Variants in ZNF829 observed in about 807,000 individuals in gnomAD.
The protein encoded by ZNF829 is zinc finger protein 829.
A neutral mutation model predicts 35.2 loss-of-function variants in ZNF829; 25 were observed. The observed-to-expected ratio is 0.71, with a 90% CI of 0.52 to 0.99. The LOEUF (loss-of-function observed/expected upper bound fraction) is 0.99. ZNF829 is among the 50% of genes least tolerant of loss of function. The probability of loss-of-function intolerance (pLI) is 0.00; values close to 1 mark genes in which losing one functional copy is unlikely to be tolerated. For synonymous variants in ZNF829, 136 were observed against 163.2 expected (o/e 0.83, Z 1.27); for missense variants, 417 against 515.3 (o/e 0.81, Z 1.85).
At chr19:36,908,052 G>A in intron 4 of ZNF829, 28 bp from the exon 5 acceptor site, 1 of 1,599,240 alleles carries the variant, frequency 6.3e-7, no homozygotes, top group Admixed American at 1.7e-5. Flanking sequence ...CATGGGACAT[G>A]GTTATGCTGT....
intron 5 of ZNF829, chr19:36,901,807 C>A: frequency 3.0e-6 from 2 of 659,168 alleles, no homozygotes; most frequent in Admixed American, 2.0e-5. Context: ...AGGTGGTGAC[C>A]TGAGAATACA....
chr19:36,911,126 C>T (rs2073260869), intron 3 of ZNF829, among the ~76,000 whole-genome samples: 1 of 152,094 alleles, frequency 6.6e-6, no homozygotes. Flanking sequence ...TTACGGGAAC[C>T]TCTAAATTTT....
In ZNF829 at chr19:36,914,959, A is replaced by G. The variant is rs115270126; in HGVS notation, c.96+6T>C. ...TTCAGAAGAAAAAGAGGAAACCCCA[A>G]CACACCTTGGATACTGCTTGTAGAA... On this transcript the variant is annotated splice_donor_region_variant and intron_variant, in intron 3 of 5. Coordinates refer to ENST00000391711, the MANE Select transcript of ZNF829 (RefSeq NM_001037232.4). The G allele has an allele frequency of 2.0e-4, 323 of 1,614,110 alleles. 1 individual carries two copies. The African/African-American group carries it at 4.1e-3, about 20-fold the overall frequency.
intron 5 of ZNF829, 70 bp from the exon 6 acceptor site, chr19:36,892,541 G>A: frequency 7.0e-7 from 1 of 1,428,620 alleles, no homozygotes; most frequent in South Asian, 1.4e-5. Context: ...AAAAGAAATG[G>A]GAGAATTAAA....
chr19:36,897,390 A>T (rs1258807817), intron 5 of ZNF829, among the ~76,000 whole-genome samples: 1 of 152,232 alleles, frequency 6.6e-6, no homozygotes, highest in Non-Finnish European at 1.5e-5. Context: ...AAGTGCAAGG[A>T]TGGCTCAACA....
chr19:36,900,847 GAAAAAAAAAA>G (rs59848712), intron 5 of ZNF829, among the ~76,000 whole-genome samples: 1 of 88,976 alleles, frequency 1.1e-5, no homozygotes, highest in African/African-American at 4.5e-5. Context: ...GACTGTCTCA[GAAAAAAAAAA>G]AAAAAAAAAA....
chr19:36,905,543 T>C (rs2073208435), intron 5 of ZNF829: 1 of 152,076 alleles, frequency 6.6e-6, no homozygotes, highest in Non-Finnish European at 1.5e-5. Flanking sequence ...GTTCAAGCGA[T>C]TCTCCTGCCT....
chr19:36,915,740 G>C (rs986221654), intron 1 of ZNF829: 90 of 935,798 alleles, frequency 9.6e-5, no homozygotes, highest in Middle Eastern at 6.8e-4. Context: ...GGGATTACAG[G>C]CGCGCGCCAC....
intron 5 of ZNF829, among the ~76,000 whole-genome samples, chr19:36,903,652 A>G (rs1474403144): frequency 6.6e-6 from 1 of 152,176 alleles, no homozygotes; most frequent in Non-Finnish European, 1.5e-5. Flanking sequence ...GCACTTTGGG[A>G]GGCCAAGGTG....
intron 5 of ZNF829, among the ~76,000 whole-genome samples, chr19:36,899,270 C>CCCT (rs1555726461): frequency 1.3e-5 from 2 of 151,966 alleles, no homozygotes; most frequent in East Asian, 1.9e-4. Flanking sequence ...GGAGACCCCC[C>CCCT]CCGATCTCTA....
At chr19:36,915,059 T>A (rs747157188) in intron 2 of ZNF829, 37 bp from the exon 3 acceptor site, 2 of 1,614,146 alleles carry the variant, frequency 1.2e-6, no homozygotes, top group Non-Finnish European at 8.5e-7. Context: ...GAAGAGTAAC[T>A]GTGAGACACC....
chr19:36,892,527 C>A, intron 5 of ZNF829, 56 bp from the exon 6 acceptor site: 3 of 1,477,802 alleles, frequency 2.0e-6, no homozygotes, highest in Non-Finnish European at 2.7e-6. Context: ...GTTAAAACTT[C>A]TAAAAAAGAA....
intron 3 of ZNF829, 34 bp downstream of exon 3, chr19:36,914,931 A>G: frequency 6.2e-7 from 1 of 1,610,668 alleles, no homozygotes; most frequent in Non-Finnish European, 8.5e-7. Context: ...TTAAGCAAGA[A>G]TTTTCAGAAG....
chr19:36,898,265 C>T (rs1253196221), intron 5 of ZNF829, among the ~76,000 whole-genome samples: 2 of 151,988 alleles, frequency 1.3e-5, no homozygotes, highest in East Asian at 1.9e-4. Flanking sequence ...ATAATAGCTA[C>T]AAAAAACAAC....
At chr19:36,900,145 AACACACACACACAC>A (rs56218050) in intron 5 of ZNF829, among the ~76,000 whole-genome samples, 1,729 of 120,466 alleles carry the variant, frequency 0.014, 23 homozygotes, top group South Asian at 0.018. Context: ...GTCTCTACTA[AACACACACACACAC>A]ACACACACAC....
rs549882989 is a variant in ZNF829, at chr19:36,892,287, G to A, written c.504C>T (p.Asn168=). The A allele has an allele frequency of 6.9e-5, 111 of 1,613,828 alleles. 3 individuals carry two copies. In the South Asian group the frequency reaches 1.2e-3, roughly 17 times the overall value. The part of the protein sequence containing the change: ...CKICGKTFNQ[N]SQFIQHQRIH... The stretch of plus-strand genomic sequence containing the variant: ...TTCTCTGATGTTGGATAAATTGTGA[G>A]TTTTGATTAAAGGTCTTTCCACATA... Residue 168 remains asparagine, a synonymous_variant, in exon 6 of 6, where the codon AAC becomes AAT. Coordinates refer to ENST00000391711, the MANE Select transcript of ZNF829 (RefSeq NM_001037232.4).
At position 36,906,517 on chromosome 19, in the gene ZNF829, G is replaced by A. The variant is rs539897148; in HGVS notation, c.319+1412C>T. The A allele has an allele frequency of 2.6e-5, 4 of 152,314 alleles. No homozygotes were observed. In the East Asian group the frequency reaches 7.7e-4, roughly 29 times the overall value. 9.4% of individuals were successfully genotyped at this position (152,314 alleles called of 1,614,324 possible). A position where few individuals can be genotyped will look rare whatever the true frequency, so the allele number is the denominator to read the frequency against. On this transcript the variant is annotated intron_variant, in intron 5 of 5. Coordinates refer to ENST00000391711, the MANE Select transcript of ZNF829 (RefSeq NM_001037232.4). ...AAGAATGTAAGAATGCAGAGCAATA[G>A]TAACCTTCATACTGCTAGTAGAACT...
intron 1 of ZNF829, among the ~76,000 whole-genome samples, chr19:36,915,539 G>C (rs140822391): frequency 3.4e-4 from 48 of 140,364 alleles, no homozygotes; most frequent in African/African-American, 9.6e-4. Flanking sequence ...TCCCATATCC[G>C]CACATAAGCC....
At chr19:36,913,103 G>C (rs913811616) in intron 3 of ZNF829, 1 of 152,220 alleles carries the variant, frequency 6.6e-6, no homozygotes, top group African/African-American at 2.4e-5. Context: ...AGTGTAACTA[G>C]AGACTGATGC....
Sources: allele counts gnomAD v4.1 joint callset (sites outside exome capture counted in the v4.1 genomes callset), GRCh38; gene constraint gnomAD v4.1.1; transcripts MANE v1.5; gene names NCBI Gene and HGNC (gene_info 2026-07-23, HGNC 2026-07-21).